Variants in PDE4D observed in about 807,000 individuals in gnomAD.
PDE4D encodes phosphodiesterase 4D.
A neutral mutation model predicts 87.4 loss-of-function variants in PDE4D; 24 were observed. That is an observed-to-expected ratio of 0.27 (90% CI 0.20 to 0.39). PDE4D has a LOEUF of 0.39. Among genes scored for constraint, PDE4D ranks in the 10% least tolerant of loss-of-function variants. The pLI is 1.00. For missense variants in PDE4D, 714 were observed against 1,041.0 expected (o/e 0.69, Z 4.32); for synonymous variants, 384 against 383.2 (o/e 1.00, Z -0.02).
chr5:59,819,583 G>C (rs2152687007), intron 1 of PDE4D, among the ~76,000 whole-genome samples: 1 of 152,288 alleles, frequency 6.6e-6, no homozygotes, highest in South Asian at 2.1e-4. Flanking sequence ...CAGGTGGTCT[G>C]CCCATCATTT....
At chr5:59,866,031 C>T (rs1000252473) in intron 1 of PDE4D, among the ~76,000 whole-genome samples, 7 of 152,150 alleles carry the variant, frequency 4.6e-5, no homozygotes, top group African/African-American at 9.7e-5. Context: ...ATGTAATTTG[C>T]TAATAATTTA....
chr5:59,487,615 T>C (rs969206177), intron 1 of PDE4D, among the ~76,000 whole-genome samples: 1 of 151,746 alleles, frequency 6.6e-6, no homozygotes, highest in Non-Finnish European at 1.5e-5. Flanking sequence ...TTTATAAAAA[T>C]ACATAAACTA....
At chr5:59,472,667 T>C (rs1461043020) in intron 1 of PDE4D, among the ~76,000 whole-genome samples, 1 of 152,172 alleles carries the variant, frequency 6.6e-6, no homozygotes, top group Non-Finnish European at 1.5e-5. Context: ...AAACTTGCCT[T>C]CCAATATGCT....
intron 1 of PDE4D, among the ~76,000 whole-genome samples, chr5:59,634,614 A>G (rs1461186034): frequency 6.6e-6 from 1 of 152,222 alleles, no homozygotes; most frequent in Non-Finnish European, 1.5e-5. Context: ...TGGAAAATCA[A>G]AAAACCTGCT....
chr5:60,339,471 A>T (rs1002912024), intron 1 of PDE4D, among the ~76,000 whole-genome samples: 4 of 152,124 alleles, frequency 2.6e-5, no homozygotes, highest in Non-Finnish European at 4.4e-5. Context: ...TCAGAACAGA[A>T]TGCAAATTAA....
intron 2 of PDE4D, among the ~76,000 whole-genome samples, chr5:60,118,348 G>C (rs1778356310): frequency 6.6e-6 from 1 of 152,110 alleles, no homozygotes; most frequent in South Asian, 2.1e-4. Context: ...TTTTGTTCCA[G>C]TTACTCTACT....
At chr5:60,431,857 G>A (rs40361) in intron 1 of PDE4D, among the ~76,000 whole-genome samples, 16,995 of 152,290 alleles carry the variant, frequency 0.11, 1,409 homozygotes, top group East Asian at 0.4. Flanking sequence ...GATCACTCGC[G>A]GTTAGGAGCT....
intron 1 of PDE4D, among the ~76,000 whole-genome samples, chr5:59,242,474 T>C (rs1005928676): frequency 2.0e-5 from 3 of 152,066 alleles, no homozygotes; most frequent in Admixed American, 2.0e-4. Flanking sequence ...GGTGCATGGG[T>C]GGGAACAAGA....
At chr5:59,139,695 G>T (rs553219531) in intron 5 of PDE4D, among the ~76,000 whole-genome samples, 1 of 151,524 alleles carries the variant, frequency 6.6e-6, no homozygotes, top group Admixed American at 6.6e-5. Context: ...GTCCAGGCTG[G>T]TCTCAAACTC....
chr5:59,744,569 C>A (rs1759331401), intron 1 of PDE4D, among the ~76,000 whole-genome samples: 1 of 152,082 alleles, frequency 6.6e-6, no homozygotes, highest in Non-Finnish European at 1.5e-5. Context: ...CTATTAGAAT[C>A]ATAAAATCTT....
chr5:59,021,652 A>G (rs1755168276), intron 6 of PDE4D, among the ~76,000 whole-genome samples: 2 of 152,182 alleles, frequency 1.3e-5, no homozygotes, highest in South Asian at 4.1e-4. Flanking sequence ...GGGAAAACAG[A>G]GGCTCAGGGA....
At chr5:59,735,968 G>A (rs1758008508) in intron 1 of PDE4D, among the ~76,000 whole-genome samples, 1 of 151,622 alleles carries the variant, frequency 6.6e-6, no homozygotes, top group East Asian at 1.9e-4. Context: ...CCCATGCCTG[G>A]CCAAAACAAA....
chr5:59,484,995 G>C (rs1804867451), intron 1 of PDE4D, among the ~76,000 whole-genome samples: 1 of 152,144 alleles, frequency 6.6e-6, no homozygotes, highest in Non-Finnish European at 1.5e-5. Context: ...ATCAGATCCA[G>C]TTTTGGATCA....
intron 6 of PDE4D, among the ~76,000 whole-genome samples, chr5:59,013,900 A>C (rs1753397276): frequency 6.6e-6 from 1 of 152,218 alleles, no homozygotes; most frequent in Non-Finnish European, 1.5e-5. Context: ...ATCCTTAATA[A>C]AATACTGGCA....
chr5:60,514,469 T>C (rs1327031587), intron 1 of PDE4D, among the ~76,000 whole-genome samples: 1 of 152,078 alleles, frequency 6.6e-6, no homozygotes, highest in Non-Finnish European at 1.5e-5. Context: ...AATCCAGTAA[T>C]GAAACACAGT....
At chr5:60,506,904 T>C (rs1750349237) in intron 1 of PDE4D, among the ~76,000 whole-genome samples, 1 of 152,134 alleles carries the variant, frequency 6.6e-6, no homozygotes, top group South Asian at 2.1e-4. Flanking sequence ...TTTTAGACAA[T>C]TTGAAAAATA....
At chr5:60,071,799 C>G (rs986340746) in intron 2 of PDE4D, among the ~76,000 whole-genome samples, 1 of 152,118 alleles carries the variant, frequency 6.6e-6, no homozygotes, top group Non-Finnish European at 1.5e-5. Flanking sequence ...CATTAGTTTG[C>G]TAAAGATAAC....
rs190555073 is a variant in PDE4D, at chr5:59,017,598, A to G, written c.921+21261T>C. On this transcript the variant is annotated intron_variant, in intron 6 of 14. Coordinates refer to ENST00000340635, the MANE Select transcript of PDE4D (RefSeq NM_001104631.2). Reference sequence around the variant, plus strand: ...AAGCTGCCAGACAGTTGAGTTTTGAATAAGTAGTAACTTTCAAACACTTGA... The same window carrying G: ...AAGCTGCCAGACAGTTGAGTTTTGAGTAAGTAGTAACTTTCAAACACTTGA... Among the ~76,000 whole-genome samples the G allele has an allele frequency of 1.6e-3, 244 of 152,326 alleles. 1 individual carries two copies. The highest frequency in any genetic ancestry group is 0.014 in the Middle Eastern group (4 of 294).
intron 1 of PDE4D, among the ~76,000 whole-genome samples, chr5:59,752,031 A>G (rs1422827948): frequency 2.0e-5 from 3 of 152,120 alleles, no homozygotes; most frequent in Non-Finnish European, 4.4e-5. Context: ...TACCAGATAC[A>G]ATGTCTCCCT....
Sources: allele counts gnomAD v4.1 joint callset (sites outside exome capture counted in the v4.1 genomes callset), GRCh38; gene constraint gnomAD v4.1.1; transcripts MANE v1.5; gene names NCBI Gene and HGNC (gene_info 2026-07-23, HGNC 2026-07-21).